Variants in GRHL2 observed in about 807,000 individuals in gnomAD.
GRHL2 encodes grainyhead like transcription factor 2, also known as grainyhead-like protein 2 homolog.
A neutral mutation model predicts 83.8 loss-of-function variants in GRHL2; 21 were observed. That is an observed-to-expected ratio of 0.25 (90% CI 0.18 to 0.36). GRHL2 has a LOEUF of 0.36. Ranked by LOEUF, GRHL2 falls within the 10% of genes least tolerant of loss-of-function variation. GRHL2 has a pLI of 1.00. For missense variants in GRHL2, 623 were observed against 781.8 expected (o/e 0.80, Z 2.42); for synonymous variants, 280 against 278.9 (o/e 1.00, Z -0.04).
intron 4 of GRHL2, among the ~76,000 whole-genome samples, chr8:101,565,397 T>G (rs777102767): frequency 4.4e-4 from 67 of 152,200 alleles, no homozygotes; most frequent in Non-Finnish European, 1.3e-4. Context: ...AACAATAGTT[T>G]CTGGTTTAGG....
At chr8:101,562,925 A>G (rs1158247351) in intron 4 of GRHL2, among the ~76,000 whole-genome samples, 1 of 152,234 alleles carries the variant, frequency 6.6e-6, no homozygotes. Flanking sequence ...GCATGATAAT[A>G]TCTTTAGCCT....
At chr8:101,585,721 C>T (rs1812149409) in intron 7 of GRHL2, among the ~76,000 whole-genome samples, 1 of 152,212 alleles carries the variant, frequency 6.6e-6, no homozygotes, top group African/African-American at 2.4e-5. Context: ...GATAAAAGTA[C>T]GGTAGGCTGT....
At chr8:101,496,695 A>G (rs1034507728) in intron 1 of GRHL2, among the ~76,000 whole-genome samples, 1 of 152,176 alleles carries the variant, frequency 6.6e-6, no homozygotes, top group Non-Finnish European at 1.5e-5. Context: ...ATTGAGAATA[A>G]TGGGGAGGTC....
intron 7 of GRHL2, among the ~76,000 whole-genome samples, chr8:101,590,345 C>CTAGG (rs1812254060): frequency 2.0e-5 from 3 of 152,196 alleles, no homozygotes; most frequent in South Asian, 4.1e-4. Flanking sequence ...TCTACTTGGA[C>CTAGG]TAGGGTTCAT....
At chr8:101,498,884 G>C (rs1194732025) in intron 1 of GRHL2, among the ~76,000 whole-genome samples, 1 of 152,008 alleles carries the variant, frequency 6.6e-6, no homozygotes, top group African/African-American at 2.4e-5. Flanking sequence ...GACCATCCTG[G>C]CTAACACAGT....
At chr8:101,584,945 A>G (rs1279037220) in intron 7 of GRHL2, among the ~76,000 whole-genome samples, 1 of 150,306 alleles carries the variant, frequency 6.7e-6, no homozygotes, top group Non-Finnish European at 1.5e-5. Context: ...GTGGTCAGGT[A>G]GTCAGGTGGT....
chr8:101,656,259 T>C (rs1813783970), intron 14 of GRHL2, among the ~76,000 whole-genome samples: 1 of 152,254 alleles, frequency 6.6e-6, no homozygotes, highest in South Asian at 2.1e-4. Flanking sequence ...GTTGACTGAA[T>C]TGGGCATCTG....
At chr8:101,670,385 C>T (rs1432129743), downstream of GRHL2, among the ~76,000 whole-genome samples, 2 of 152,232 alleles carry the variant, frequency 1.3e-5, no homozygotes, top group African/African-American at 2.4e-5. Context: ...ATGTCCACAG[C>T]TTTCAAATCT....
chr8:101,630,231 T>C (rs1335589427), intron 9 of GRHL2, among the ~76,000 whole-genome samples: 1 of 152,170 alleles, frequency 6.6e-6, no homozygotes, highest in Non-Finnish European at 1.5e-5. Context: ...CACTGTGTCA[T>C]GGCGTCATGC....
chr8:101,646,340 A>C (rs1813510764), intron 13 of GRHL2, among the ~76,000 whole-genome samples: 1 of 152,198 alleles, frequency 6.6e-6, no homozygotes, highest in African/African-American at 2.4e-5. Context: ...GAGTGCTTGG[A>C]GGTTAATCCA....
At chr8:101,497,658 G>A (rs1041255394) in intron 1 of GRHL2, among the ~76,000 whole-genome samples, 1 of 152,158 alleles carries the variant, frequency 6.6e-6, no homozygotes, top group Non-Finnish European at 1.5e-5. Flanking sequence ...TTCTCCAGGC[G>A]AGAGCACAGG....
At chr8:101,627,004 T>C (rs770348831) in intron 9 of GRHL2, among the ~76,000 whole-genome samples, 12 of 152,078 alleles carry the variant, frequency 7.9e-5, no homozygotes, top group Non-Finnish European at 1.6e-4. Flanking sequence ...AGCTGGGCAT[T>C]CTGGGCAGGA....
intron 1 of GRHL2, among the ~76,000 whole-genome samples, chr8:101,505,684 TTAG>T (rs1810327090): frequency 6.6e-6 from 1 of 152,200 alleles, no homozygotes; most frequent in Admixed American, 6.5e-5. Flanking sequence ...GTGTTTATCT[TTAG>T]TTTTAGCAAA....
At chr8:101,578,950 T>G (rs1264494156) in intron 7 of GRHL2, among the ~76,000 whole-genome samples, 2 of 152,298 alleles carry the variant, frequency 1.3e-5, no homozygotes, top group East Asian at 3.9e-4. Context: ...ATACACCTAT[T>G]GTATTAACTA....
downstream of GRHL2, among the ~76,000 whole-genome samples, chr8:101,670,288 G>A (rs1348319841): frequency 6.6e-6 from 1 of 152,162 alleles, no homozygotes; most frequent in Non-Finnish European, 1.5e-5. Flanking sequence ...TTTAACTGCT[G>A]TCCATGATTA....
chr8:101,514,640 C>G (rs1810532363), intron 1 of GRHL2, among the ~76,000 whole-genome samples: 1 of 152,210 alleles, frequency 6.6e-6, no homozygotes, highest in Non-Finnish European at 1.5e-5. Flanking sequence ...GGCAGCTGCT[C>G]TCCCGGCAGC....
At chr8:101,625,952 C>T (rs773856027) in intron 9 of GRHL2, among the ~76,000 whole-genome samples, 1 of 151,954 alleles carries the variant, frequency 6.6e-6, no homozygotes, top group Non-Finnish European at 1.5e-5. Flanking sequence ...GTGTATTCAT[C>T]GTAATTACTG....
At chr8:101,520,022 C>T (rs1334957211) in intron 1 of GRHL2, among the ~76,000 whole-genome samples, 1 of 152,188 alleles carries the variant, frequency 6.6e-6, no homozygotes, top group Non-Finnish European at 1.5e-5. Context: ...TTATTTCCAG[C>T]ATTTTAATTT....
At chr8:101,665,031 C>A (rs1335680516) in intron 15 of GRHL2, among the ~76,000 whole-genome samples, 1 of 152,116 alleles carries the variant, frequency 6.6e-6, no homozygotes, top group Non-Finnish European at 1.5e-5. Flanking sequence ...TTTGGGGTCC[C>A]TTCCTAAGTA....
Sources: gnomAD v4.1 joint callset for allele counts (sites outside exome capture counted in the v4.1 genomes callset) on GRCh38, gnomAD v4.1.1 for gene constraint, MANE v1.5 for transcripts, NCBI Gene and HGNC (gene_info 2026-07-23, HGNC 2026-07-21) for gene names.